LETM2: variants seen among roughly 807,000 people sequenced by gnomAD.
LETM2 encodes the protein LETM1 domain-containing protein LETM2, mitochondrial.
LETM2 carries 58 observed loss-of-function variants against 59.6 expected under a neutral mutation model. The observed-to-expected ratio is 0.97, with a 90% CI of 0.79 to 1.21. The LOEUF (loss-of-function observed/expected upper bound fraction) is 1.21, where lower values mean the gene tolerates loss of function less well. Among genes scored for constraint, LETM2 ranks in the 50% most tolerant of loss-of-function variants. LETM2 has a pLI of 0.00. For synonymous variants in LETM2, 199 were observed against 214.1 expected (o/e 0.93, Z 0.62); for missense variants, 572 against 575.7 (o/e 0.99, Z 0.07).
chr8:38,399,633 C>T (rs1188780769), intron 4 of LETM2, among the ~76,000 whole-genome samples: 2 of 151,928 alleles, frequency 1.3e-5, no homozygotes, highest in Admixed American at 6.6e-5. Flanking sequence ...AAAAAATCAG[C>T]GGGGTGTGGT....
chr8:38,397,956 A>G (rs989474561), intron 4 of LETM2, among the ~76,000 whole-genome samples: 4 of 152,132 alleles, frequency 2.6e-5, no homozygotes, highest in African/African-American at 9.7e-5. Flanking sequence ...CCTGGCCAAC[A>G]TGGTGAAACC....
chr8:38,390,203 G>A (rs1812112920), intron 2 of LETM2, among the ~76,000 whole-genome samples: 1 of 151,898 alleles, frequency 6.6e-6, no homozygotes, highest in Admixed American at 6.6e-5. Context: ...TAAGAACCAA[G>A]CCAGGCATGG....
chr8:38,385,708 A>T (rs918964781), upstream of LETM2, among the ~76,000 whole-genome samples: 7 of 152,342 alleles, frequency 4.6e-5, no homozygotes, highest in South Asian at 2.1e-4. Flanking sequence ...AATAAAAAAA[A>T]TTTTTAACTC....
chr8:38,392,633 T>C lies in LETM2; in HGVS notation c.139T>C (p.Cys47Arg), dbSNP rs746197557. 7 of 1,613,806 alleles carry C rather than the reference T, an allele frequency of 4.3e-6. No homozygotes were observed. The Admixed American group carries it at 1.0e-4, about 23-fold the overall frequency. The stretch of plus-strand genomic sequence containing the variant: ...GCCAGATTCCCATTTAAATAAGACA[T>C]GTATGAAGAACTATGAGAGCAAGAA... The part of the protein sequence containing the change: ...HLPDSHLNKT[C>R]MKNYESKKYS... The change falls in exon 3 of 11, where the codon TGT becomes CGT. Residue 47 changes from cysteine to arginine, a missense_variant. Cys to Arg is a radical substitution (Grantham distance 180, BLOSUM62 -3). Coordinates refer to ENST00000379957, the MANE Select transcript of LETM2 (RefSeq NM_001286819.2).
At chr8:38,404,282 C>T (rs1455839813) in intron 7 of LETM2, 111 bp from the exon 8 acceptor site, 6 of 730,188 alleles carry the variant, frequency 8.2e-6, no homozygotes, top group South Asian at 1.7e-5. Context: ...AGCGGCTTGG[C>T]GGAAAGGGCG....
At position 38,404,517 on chromosome 8, in the gene LETM2, G is replaced by A. The variant is rs374136935; in HGVS notation, c.1218+11G>A. 2 of 1,552,168 alleles carry A rather than the reference G, an allele frequency of 1.3e-6. No individual in the cohort carries two copies. Among genetic ancestry groups the A allele is most frequent in the East Asian group, 2.2e-5 (1 of 44,580 alleles). On this transcript the variant is annotated intron_variant, in intron 8 of 10. Transcript: ENST00000379957. ...CCACTCAGTGGGGAGGTGAGTACCT[G>A]GGTTAATGGGGACCCTCGACGTCCA...
At chr8:38,407,288 C>A in intron 9 of LETM2, 74 bp from the exon 10 acceptor site, 1 of 1,156,808 alleles carries the variant, frequency 8.6e-7, no homozygotes, top group Non-Finnish European at 1.3e-6. Flanking sequence ...TCCTGGTAGT[C>A]AAGGTAGTGG....
chr8:38,396,455 C>T (rs570308746), intron 4 of LETM2, among the ~76,000 whole-genome samples: 7 of 152,238 alleles, frequency 4.6e-5, no homozygotes, highest in Non-Finnish European at 8.8e-5. Flanking sequence ...TGAGCCACTG[C>T]GCCAGGCCGA....
intron 6 of LETM2, among the ~76,000 whole-genome samples, chr8:38,402,121 T>C (rs896773524): frequency 3.9e-5 from 6 of 152,062 alleles, no homozygotes; most frequent in South Asian, 2.1e-4. Flanking sequence ...TCTGGGGGTG[T>C]TGGGGGGACA....
intron 4 of LETM2, 36 bp downstream of exon 4, chr8:38,394,277 C>T: frequency 1.6e-6 from 2 of 1,288,226 alleles, no homozygotes; most frequent in Non-Finnish European, 2.1e-6. Flanking sequence ...TTTAATAAAC[C>T]TTATTAGAGG....
rs1813917838 is a variant in LETM2 at position 38,408,468 on chromosome 8, A to G, written c.*194A>G. On this transcript the variant is annotated 3_prime_UTR_variant, in exon 11 of 11. Transcript: ENST00000379957. ...GAGACCAAGTTCAGACCACTTAGAA[A>G]AATATAATTGCAAAGTCCCATTTCC... The G allele has an allele frequency of 1.8e-6, 1 of 545,876 alleles. No homozygotes were observed. 33.8% of individuals were successfully genotyped at this position (545,876 alleles called of 1,614,324 possible). A position where few individuals can be genotyped will look rare whatever the true frequency, so the allele number is the denominator to read the frequency against.
chr8:38,387,203 C>T (rs191935636), intron 1 of LETM2: 1 of 152,362 alleles, frequency 6.6e-6, no homozygotes, highest in African/African-American at 2.4e-5. Context: ...AGGTTTCGAG[C>T]CCCTGTTGAA....
intron 7 of LETM2, among the ~76,000 whole-genome samples, chr8:38,403,464 A>G (rs1054642661): frequency 6.6e-6 from 1 of 152,256 alleles, no homozygotes; most frequent in African/African-American, 2.4e-5. Flanking sequence ...CTGGTGGCCC[A>G]CCTGGGGCTG....
intron 4 of LETM2, chr8:38,397,025 G>C (rs749560120): frequency 1.6e-5 from 7 of 442,218 alleles, no homozygotes; most frequent in Non-Finnish European, 2.7e-5. Flanking sequence ...CCTGAGAAGA[G>C]GGAGCCTTCA....
intron 10 of LETM2, 168 bp from the exon 11 acceptor site, chr8:38,408,040 CACAT>C: frequency 1.7e-6 from 1 of 574,748 alleles, no homozygotes; most frequent in East Asian, 3.0e-5. Context: ...CCAAGGCACA[CACAT>C]ACCTTGTTTT....
chr8:38,405,935 T>C (rs1813678510), intron 8 of LETM2, among the ~76,000 whole-genome samples: 1 of 152,220 alleles, frequency 6.6e-6, no homozygotes, highest in African/African-American at 2.4e-5. Flanking sequence ...TTCCCACCCA[T>C]GTTTTTAAAC....
intron 6 of LETM2, 36 bp from the exon 7 acceptor site, chr8:38,402,489 C>G: frequency 6.2e-7 from 1 of 1,605,640 alleles, no homozygotes; most frequent in Non-Finnish European, 8.5e-7. Flanking sequence ...AAATTGGAAT[C>G]AAAAGTTCCA....
At chr8:38,407,521 T>C in intron 10 of LETM2, 58 bp downstream of exon 10, 1 of 1,117,726 alleles carries the variant, frequency 8.9e-7, no homozygotes, top group Non-Finnish European at 1.4e-6. Context: ...TAGTTATCTT[T>C]AAGGGCAGTG....
At chr8:38,384,812 A>G (rs1370627463), upstream of LETM2, among the ~76,000 whole-genome samples, 1 of 152,238 alleles carries the variant, frequency 6.6e-6, no homozygotes, top group Non-Finnish European at 1.5e-5. Context: ...TGGTTTATGA[A>G]TACTTAATGA....
Sources: allele counts gnomAD v4.1 joint callset (sites outside exome capture counted in the v4.1 genomes callset), GRCh38; gene constraint gnomAD v4.1.1; transcripts MANE v1.5; gene names NCBI Gene and HGNC (gene_info 2026-07-23, HGNC 2026-07-21).